Variants in EIF4G3 observed in about 807,000 individuals in gnomAD.
EIF4G3 encodes eIF-4-gamma 3.
Under a neutral mutation model 186.4 loss-of-function variants are expected in EIF4G3, and 34 were observed. The observed-to-expected ratio is 0.18, with a 90% CI of 0.14 to 0.24. EIF4G3 has a LOEUF of 0.24. Ranked by LOEUF, EIF4G3 falls within the 10% of genes least tolerant of loss-of-function variation. The probability of loss-of-function intolerance (pLI) is 1.00; values close to 1 mark genes in which losing one functional copy is unlikely to be tolerated. For missense variants in EIF4G3, 1,536 were observed against 1,948.5 expected (o/e 0.79, Z 3.99); for synonymous variants, 673 against 679.5 (o/e 0.99, Z 0.15).
chr1:20,814,760 C>CCTCCCT (rs2060048209), intron 34 of EIF4G3, among the ~76,000 whole-genome samples: 1 of 27,624 alleles, frequency 3.6e-5, no homozygotes, highest in Non-Finnish European at 7.0e-5. Flanking sequence ...TCCCCCTCCC[C>CCTCCCT]CTCCCCCTCC....
chr1:20,903,680 G>C (rs1221880293), intron 15 of EIF4G3, among the ~76,000 whole-genome samples: 2 of 152,162 alleles, frequency 1.3e-5, no homozygotes, highest in Non-Finnish European at 2.9e-5. Flanking sequence ...GGGACTAACA[G>C]TGACATCAAC....
At chr1:20,948,170 C>A (rs1230538657) in intron 13 of EIF4G3, among the ~76,000 whole-genome samples, 1 of 152,092 alleles carries the variant, frequency 6.6e-6, no homozygotes, top group African/African-American at 2.4e-5. Context: ...TGCGAAAGTG[C>A]AATGAAGTTT....
chr1:20,842,457 T>TC (rs2068999559), intron 29 of EIF4G3, among the ~76,000 whole-genome samples: 1 of 152,192 alleles, frequency 6.6e-6, no homozygotes, highest in Non-Finnish European at 1.5e-5. Context: ...TACCTTTGCC[T>TC]CCCAGGTTCA....
Position 21,002,723 on chromosome 1 carries a change from G to C in EIF4G3, c.20C>G (p.Thr7Ser). Reference sequence around the variant, plus strand: ...CTTCTGCTTACTTACCGGAGAACGGGTTTGAGGTTGTGAATTCATTGTCTG... The same window carrying C: ...CTTCTGCTTACTTACCGGAGAACGGCTTTGAGGTTGTGAATTCATTGTCTG... MNSQPQ[T>S]RSPPSRTVPI... Residue 7 changes from threonine to serine, a missense_variant, in exon 5 of 37, where the codon ACC becomes AGC. By Grantham distance (58) the Thr-to-Ser change is moderately conservative. This residue lies in a region of EIF4G3 where 194 missense variants were observed against 212.8 expected (regional missense o/e 0.91). Coordinates refer to ENST00000602326, the MANE Select transcript of EIF4G3 (RefSeq NM_001391906.1). The C allele has an allele frequency of 1.2e-6, 2 of 1,613,584 alleles. No homozygotes were observed. The highest frequency in any genetic ancestry group is 1.7e-6 in the Non-Finnish European group (2 of 1,179,736).
At chr1:20,807,672 GT>G (rs1211903876) in intron 36 of EIF4G3, among the ~76,000 whole-genome samples, 172 bp from the exon 37 acceptor site, 6 of 144,490 alleles carry the variant, frequency 4.2e-5, no homozygotes, top group Non-Finnish European at 7.6e-5. Flanking sequence ...CCAACAACTT[GT>G]TTAAAGAAGA....
At chr1:20,831,611 C>CT (rs1214626702) in intron 30 of EIF4G3, among the ~76,000 whole-genome samples, 118 of 137,532 alleles carry the variant, frequency 8.6e-4, no homozygotes, top group South Asian at 5.7e-3. Flanking sequence ...CTTACTTTTT[C>CT]TTTTTTTTTT....
At chr1:21,051,929 T>A (rs930893907) in intron 3 of EIF4G3, among the ~76,000 whole-genome samples, 2 of 152,208 alleles carry the variant, frequency 1.3e-5, no homozygotes, top group African/African-American at 4.8e-5. Context: ...TGTGTAGGAA[T>A]ATTTCTATAT....
At chr1:20,939,035 A>G (rs2095615156) in intron 14 of EIF4G3, among the ~76,000 whole-genome samples, 1 of 150,380 alleles carries the variant, frequency 6.6e-6, no homozygotes, top group South Asian at 2.1e-4. Context: ...TGAACCTGGG[A>G]GCCAGAGGTT....
chr1:21,151,236 C>CTTTTTTTTTTTTTTTTTTTTTT (rs71014161), intron 2 of EIF4G3, among the ~76,000 whole-genome samples: 1 of 80,410 alleles, frequency 1.2e-5, no homozygotes, highest in African/African-American at 4.8e-5. Flanking sequence ...GTATTTCTTT[C>CTTTTTTTTTTTTTTTTTTTTTT]TTTTTTTTTT....
At chr1:21,049,880 G>C (rs571827135) in intron 4 of EIF4G3, among the ~76,000 whole-genome samples, 2 of 152,104 alleles carry the variant, frequency 1.3e-5, no homozygotes, top group Admixed American at 1.3e-4. Context: ...CACGGAGCAA[G>C]ACCCTGTCTT....
At chr1:20,857,119 T>C (rs572578746) in intron 25 of EIF4G3, among the ~76,000 whole-genome samples, 66 of 123,362 alleles carry the variant, frequency 5.4e-4, no homozygotes, top group African/African-American at 1.9e-3. Flanking sequence ...GCCAAGATCG[T>C]GCCACTGCAC....
intron 29 of EIF4G3, chr1:20,847,672 A>T: frequency 2.6e-6 from 1 of 391,230 alleles, no homozygotes; most frequent in Admixed American, 3.6e-5. Context: ...CTATGCTGCC[A>T]ATTTATAAGA....
intron 14 of EIF4G3, among the ~76,000 whole-genome samples, chr1:20,930,799 A>G (rs77482344): frequency 0.11 from 16,503 of 152,270 alleles, 1,134 homozygotes; most frequent in East Asian, 0.28. Flanking sequence ...CATGAAGGTT[A>G]GAATCAACTT....
chr1:21,165,681 GA>G (rs1475062764), intron 2 of EIF4G3, among the ~76,000 whole-genome samples: 1 of 152,112 alleles, frequency 6.6e-6, no homozygotes, highest in Non-Finnish European at 1.5e-5. Context: ...AGAATTGGGG[GA>G]AAATGGGGAG....
At position 20,916,253 on chromosome 1, in the gene EIF4G3, C is replaced by T. The variant is rs968492162; in HGVS notation, c.1664-11282G>A. ...CGAGGTCAGGAGATCGAGACCATCC[C>T]GGCTAACACGGTGAAACCCCATCTC... On this transcript the variant is annotated intron_variant, in intron 14 of 36. Coordinates refer to ENST00000602326, the MANE Select transcript of EIF4G3 (RefSeq NM_001391906.1). Among the ~76,000 whole-genome samples, 142 of 151,842 alleles carry T rather than the reference C, an allele frequency of 9.4e-4. 1 individual carries two copies. Among genetic ancestry groups the T allele is most frequent in the African/African-American group, 3.2e-3 (133 of 41,438 alleles).
At chr1:21,040,768 A>G (rs993910541) in intron 4 of EIF4G3, among the ~76,000 whole-genome samples, 2 of 152,198 alleles carry the variant, frequency 1.3e-5, no homozygotes, top group Non-Finnish European at 2.9e-5. Flanking sequence ...GTCCCTGTGG[A>G]TGAACCCTAA....
intron 4 of EIF4G3, among the ~76,000 whole-genome samples, chr1:21,024,844 C>T (rs989340700): frequency 3.3e-5 from 5 of 149,258 alleles, no homozygotes; most frequent in Non-Finnish European, 5.9e-5. Context: ...GTCCCATGAC[C>T]CTGCCAAATC....
chr1:21,126,794 C>A (rs988113420), intron 2 of EIF4G3, among the ~76,000 whole-genome samples: 11 of 151,902 alleles, frequency 7.2e-5, no homozygotes, highest in South Asian at 2.1e-4. Context: ...AGATTGGTTC[C>A]AGGAGTCCTG....
intron 2 of EIF4G3, among the ~76,000 whole-genome samples, chr1:21,128,172 A>C (rs913290058): frequency 3.6e-4 from 53 of 148,134 alleles, no homozygotes; most frequent in African/African-American, 1.2e-3. Context: ...GAGCCACTGC[A>C]CTCCAGCCTG....
Sources: gnomAD v4.1 joint callset for allele counts (sites outside exome capture counted in the v4.1 genomes callset) on GRCh38, gnomAD v4.1.1 for gene constraint, gnomAD v4.1.1 regional missense constraint, MANE v1.5 for transcripts, NCBI Gene and HGNC (gene_info 2026-07-23, HGNC 2026-07-21) for gene names.